Variants in LHFPL6 observed in about 807,000 individuals in gnomAD.
The protein encoded by LHFPL6 is LHFPL tetraspan subfamily member 6.
A neutral mutation model predicts 20.6 loss-of-function variants in LHFPL6; 9 were observed. The ratio of observed to expected loss-of-function variants is 0.44; its 90% CI spans 0.26 to 0.76. LHFPL6 has a LOEUF of 0.76. LHFPL6 is among the 30% of genes least tolerant of loss of function. LHFPL6 has a pLI of 0.20. For synonymous variants in LHFPL6, 105 were observed against 98.7 expected (o/e 1.06, Z -0.38); for missense variants, 218 against 253.5 (o/e 0.86, Z 0.95).
intron 2 of LHFPL6, among the ~76,000 whole-genome samples, chr13:39,554,061 C>T (rs1381872841): frequency 3.3e-5 from 5 of 152,180 alleles, no homozygotes; most frequent in Non-Finnish European, 7.4e-5. Context: ...AAAGTTGCTC[C>T]TTGGATTTCA....
chr13:39,568,324 A>G (rs1202166768), intron 2 of LHFPL6, among the ~76,000 whole-genome samples: 23 of 152,152 alleles, frequency 1.5e-4, no homozygotes. Context: ...AAGCAGGAAA[A>G]ACACCCTTTT....
chr13:39,361,696 A>G (rs1566093636), intron 3 of LHFPL6, among the ~76,000 whole-genome samples: 1 of 152,230 alleles, frequency 6.6e-6, no homozygotes, highest in Non-Finnish European at 1.5e-5. Flanking sequence ...AAGAAAGTCC[A>G]TGACAAACAA....
At chr13:39,550,637 A>C (rs973193826) in intron 2 of LHFPL6, among the ~76,000 whole-genome samples, 5 of 152,122 alleles carry the variant, frequency 3.3e-5, no homozygotes, top group Admixed American at 1.3e-4. Context: ...TTGAATAAAC[A>C]TAAGAGGTAA....
chr13:39,574,299 G>A lies in LHFPL6; in HGVS notation c.385+26533C>T, dbSNP rs551206220. Among the ~76,000 whole-genome samples, 52 of 152,118 alleles carry A rather than the reference G, an allele frequency of 3.4e-4. No individual in the cohort carries two copies. The South Asian group carries it at 4.8e-3, about 14-fold the overall frequency. ...AGAACAAGATCATCCTGGCTAACAT[G>A]GTGAAACCCCGTCTCTACTAAAAAT... On this transcript the variant is annotated intron_variant, in intron 2 of 3. Transcript: ENST00000379589.
chr13:39,595,719 TGTGGC>T (rs1872752610), intron 2 of LHFPL6, among the ~76,000 whole-genome samples: 1 of 152,194 alleles, frequency 6.6e-6, no homozygotes, highest in Non-Finnish European at 1.5e-5. Context: ...AGGCATGGTC[TGTGGC>T]CCTAAAAAGT....
intron 2 of LHFPL6, among the ~76,000 whole-genome samples, chr13:39,523,293 G>C (rs1870170141): frequency 6.6e-6 from 1 of 152,190 alleles, no homozygotes; most frequent in Non-Finnish European, 1.5e-5. Context: ...GTGCAGGCCA[G>C]GCGCGGTGGC....
At chr13:39,352,075 A>G (rs1249691120) in intron 3 of LHFPL6, among the ~76,000 whole-genome samples, 1 of 152,234 alleles carries the variant, frequency 6.6e-6, no homozygotes, top group Non-Finnish European at 1.5e-5. Context: ...TGCACCTTGC[A>G]AAGACTTGAC....
chr13:39,469,923 A>C (rs964036822), intron 2 of LHFPL6, among the ~76,000 whole-genome samples: 1 of 152,200 alleles, frequency 6.6e-6, no homozygotes, highest in Non-Finnish European at 1.5e-5. Flanking sequence ...TCGCTACTAC[A>C]CTAGAGACAC....
At chr13:39,373,476 G>C (rs1306577700) in intron 3 of LHFPL6, among the ~76,000 whole-genome samples, 1 of 152,214 alleles carries the variant, frequency 6.6e-6, no homozygotes, top group Non-Finnish European at 1.5e-5. Flanking sequence ...GGCTGACAAA[G>C]GCTGAGGTAC....
intron 3 of LHFPL6, among the ~76,000 whole-genome samples, chr13:39,366,927 C>T (rs1870027288): frequency 6.6e-6 from 1 of 152,250 alleles, no homozygotes; most frequent in South Asian, 2.1e-4. Context: ...ACACTAAACA[C>T]ACCTATCCTC....
At chr13:39,405,870 G>A (rs577376680) in intron 2 of LHFPL6, among the ~76,000 whole-genome samples, 1 of 152,320 alleles carries the variant, frequency 6.6e-6, no homozygotes, top group South Asian at 2.1e-4. Flanking sequence ...CGAGTTGCTC[G>A]AGGGCAGAGA....
At chr13:39,527,664 T>C (rs963098537) in intron 2 of LHFPL6, among the ~76,000 whole-genome samples, 1 of 152,174 alleles carries the variant, frequency 6.6e-6, no homozygotes, top group Non-Finnish European at 1.5e-5. Context: ...TTAGCTTTTA[T>C]AGTACCTGGG....
intron 2 of LHFPL6, among the ~76,000 whole-genome samples, chr13:39,558,340 T>C (rs1871370522): frequency 6.6e-6 from 1 of 152,148 alleles, no homozygotes; most frequent in South Asian, 2.1e-4. Flanking sequence ...TGAGATAACA[T>C]ACATGCAATG....
chr13:39,396,798 A>C (rs1484433135), intron 2 of LHFPL6, among the ~76,000 whole-genome samples: 1 of 152,150 alleles, frequency 6.6e-6, no homozygotes, highest in Non-Finnish European at 1.5e-5. Context: ...ACTGTCTCAA[A>C]AAGAAAAAAA....
chr13:39,493,659 G>C (rs1208040958), intron 2 of LHFPL6, among the ~76,000 whole-genome samples: 3 of 152,176 alleles, frequency 2.0e-5, no homozygotes, highest in African/African-American at 7.2e-5. Flanking sequence ...CTAAAAAACT[G>C]TAAAGTAATT....
chr13:39,556,832 C>T (rs1220412718), intron 2 of LHFPL6, among the ~76,000 whole-genome samples: 3 of 149,798 alleles, frequency 2.0e-5, no homozygotes, highest in African/African-American at 7.5e-5. Flanking sequence ...CATGATGGCA[C>T]ATCCCTGTAG....
At chr13:39,524,457 G>A (rs1870222624) in intron 2 of LHFPL6, among the ~76,000 whole-genome samples, 1 of 152,136 alleles carries the variant, frequency 6.6e-6, no homozygotes. Flanking sequence ...TAACTTGCAG[G>A]AACTAGATCT....
chr13:39,395,041 G>A (rs1047095643), intron 2 of LHFPL6, among the ~76,000 whole-genome samples: 2 of 152,078 alleles, frequency 1.3e-5, no homozygotes, highest in South Asian at 2.1e-4. Flanking sequence ...TCCTTCCCAC[G>A]GGGCTCCAAA....
rs1013322663 is a variant in LHFPL6, at chr13:39,589,327, G to A, written c.385+11505C>T. Among the ~76,000 whole-genome samples the A allele has an allele frequency of 2.6e-5, 4 of 152,096 alleles. No individual in the cohort carries two copies. In the South Asian group the frequency reaches 6.2e-4, roughly 24 times the overall value. On this transcript the variant is annotated intron_variant, in intron 2 of 3. Transcript: ENST00000379589. ...TCACCATGTTGGTCAGGCTGGTCTC[G>A]AACTCCTGACCTCACGATCTGCCCA... is the stretch of plus-strand genomic sequence containing the variant.
Sources: gnomAD v4.1 joint callset for allele counts (sites outside exome capture counted in the v4.1 genomes callset) on GRCh38, gnomAD v4.1.1 for gene constraint, MANE v1.5 for transcripts, NCBI Gene and HGNC (gene_info 2026-07-23, HGNC 2026-07-21) for gene names.